MAGI3: variants seen among roughly 807,000 people sequenced by gnomAD.
MAGI3 encodes membrane associated guanylate kinase, WW and PDZ domain containing 3.
In MAGI3, 43 loss-of-function variants were observed where a neutral mutation model predicts 121.8. The observed-to-expected ratio is 0.35, with a 90% CI of 0.28 to 0.46. The LOEUF is 0.46. MAGI3 is among the 20% of genes least tolerant of loss of function. MAGI3 has a pLI of 1.00. For synonymous variants in MAGI3, 553 were observed against 639.3 expected (o/e 0.86, Z 2.04); for missense variants, 1,547 against 1,797.3 (o/e 0.86, Z 2.52).
At chr1:113,438,296 A>C (rs1287180080) in intron 1 of MAGI3, among the ~76,000 whole-genome samples, 1 of 152,144 alleles carries the variant, frequency 6.6e-6, no homozygotes, top group Non-Finnish European at 1.5e-5. Flanking sequence ...GATATGTTCC[A>C]AGACCCCCAT....
intron 1 of MAGI3, among the ~76,000 whole-genome samples, chr1:113,437,805 T>TTTTCTTC (rs1557756791): frequency 2.3e-5 from 3 of 132,402 alleles, no homozygotes; most frequent in East Asian, 4.6e-4. Flanking sequence ...TTCTTTCTTC[T>TTTTCTTC]TTTCTTCTTC....
intron 16 of MAGI3, among the ~76,000 whole-genome samples, chr1:113,668,569 CTT>C (rs370302032): frequency 2.1e-5 from 2 of 94,848 alleles, no homozygotes; most frequent in East Asian, 2.8e-4. Context: ...AAACATGTAA[CTT>C]TTTTTTTTTT....
chr1:113,603,444 A>T (rs1469926899), intron 6 of MAGI3, among the ~76,000 whole-genome samples: 1 of 152,200 alleles, frequency 6.6e-6, no homozygotes. Flanking sequence ...AATTGGTATC[A>T]ATCCTACTGA....
At position 113,452,743 on chromosome 1, in the gene MAGI3, C is replaced by T. The variant is rs191695483; in HGVS notation, c.316+61394C>T. On this transcript the variant is annotated intron_variant, in intron 1 of 20. Transcript: ENST00000307546. Reference sequence around the variant, plus strand: ...TAAATAACCTCTAGGGTGATTTGCCCATTCAGCAAAGTGGCACAGGCCAAA... The same window carrying T: ...TAAATAACCTCTAGGGTGATTTGCCTATTCAGCAAAGTGGCACAGGCCAAA... Among the ~76,000 whole-genome samples the T allele has an allele frequency of 2.3e-3, 348 of 152,204 alleles. 2 individuals are homozygous for T. Among genetic ancestry groups the T allele is most frequent in the African/African-American group, 8.0e-3 (332 of 41,532 alleles).
intron 9 of MAGI3, among the ~76,000 whole-genome samples, chr1:113,633,646 T>G (rs965041400): frequency 3.3e-5 from 5 of 152,132 alleles, no homozygotes; most frequent in African/African-American, 1.2e-4. Flanking sequence ...TGTTGGACAT[T>G]TGGGTTGGTT....
chr1:113,637,977 A>G (rs1265129794), intron 9 of MAGI3, among the ~76,000 whole-genome samples: 1 of 151,726 alleles, frequency 6.6e-6, no homozygotes, highest in Non-Finnish European at 1.5e-5. Context: ...CATTTCATTC[A>G]TTTCATCTTC....
intron 1 of MAGI3, among the ~76,000 whole-genome samples, chr1:113,469,917 T>A (rs1051815086): frequency 2.0e-4 from 31 of 152,312 alleles, no homozygotes; most frequent in African/African-American, 7.2e-4. Context: ...GGTATAAGGT[T>A]CAAAGGAAAA....
intron 2 of MAGI3, among the ~76,000 whole-genome samples, chr1:113,560,987 C>T (rs1660211900): frequency 1.3e-5 from 2 of 152,144 alleles, no homozygotes; most frequent in Non-Finnish European, 2.9e-5. Flanking sequence ...CTATAAACAC[C>T]TCTTTGCAAA....
intron 4 of MAGI3, among the ~76,000 whole-genome samples, chr1:113,586,085 A>G (rs916495539): frequency 5.9e-5 from 9 of 152,230 alleles, no homozygotes; most frequent in African/African-American, 2.2e-4. Context: ...GAGACCCTTC[A>G]TTAAATGTAA....
intron 2 of MAGI3, among the ~76,000 whole-genome samples, chr1:113,557,374 A>C (rs1660038848): frequency 6.6e-6 from 1 of 151,876 alleles, no homozygotes; most frequent in African/African-American, 2.4e-5. Flanking sequence ...TCCAGCCTGC[A>C]GGCTTTGGAG....
chr1:113,407,386 C>T (rs555554379), intron 1 of MAGI3, among the ~76,000 whole-genome samples: 2 of 152,044 alleles, frequency 1.3e-5, no homozygotes, highest in Non-Finnish European at 2.9e-5. Context: ...TCAAGAGAAC[C>T]TCTAGGTTTT....
rs779778262 is a variant in MAGI3, at chr1:113,671,816, C to T, written c.2898C>T (p.Ala966=). 2 of 1,614,074 alleles carry T rather than the reference C, an allele frequency of 1.2e-6. No homozygotes were observed. The highest frequency in any genetic ancestry group is 2.2e-5 in the East Asian group (1 of 44,906). The part of the protein sequence containing the change: ...LQHRPMGQSQ[A]NHIPGDRSAL... ...ACAGGCCCATGGGACAGTCACAGGCCAACCACATACCTGGGGACAGGTGGG... is the reference window on the plus strand; with the variant it reads ...ACAGGCCCATGGGACAGTCACAGGCTAACCACATACCTGGGGACAGGTGGG... The change falls in exon 17 of 21, where the codon GCC becomes GCT. Residue 966 remains alanine, a synonymous_variant. Transcript: ENST00000307546.
At chr1:113,428,458 T>G (rs1653131800) in intron 1 of MAGI3, among the ~76,000 whole-genome samples, 1 of 152,212 alleles carries the variant, frequency 6.6e-6, no homozygotes, top group Non-Finnish European at 1.5e-5. Context: ...TGGAACTCTT[T>G]CTGGACTCAC....
rs763515000 is a variant in MAGI3, at chr1:113,653,955, C to T, written c.2566C>T (p.Arg856Ter). 2.5e-6 allele frequency: 4 copies of T among 1,613,536 alleles called. No homozygotes were observed. The highest frequency in any genetic ancestry group is 3.4e-6 in the Non-Finnish European group (4 of 1,179,858). The stretch of plus-strand genomic sequence containing the variant: ...GGAGCCCTATGATGTTGTCTTGCAA[C>T]GAAAAGAAAATGAAGGATTTGGCTT... ...PQEPYDVVLQ[R>*]KENEGFGFVI... The change falls in exon 15 of 21, where the codon CGA becomes TGA. Residue 856 changes from arginine (R) to a stop codon, truncating the protein, a stop_gained. Transcript: ENST00000307546. LOFTEE classifies it high-confidence loss of function.
chr1:113,549,095 A>G (rs934781968), intron 1 of MAGI3, among the ~76,000 whole-genome samples: 2 of 152,212 alleles, frequency 1.3e-5, no homozygotes, highest in Non-Finnish European at 1.5e-5. Flanking sequence ...TGAGGTGCTT[A>G]TTTGACTTCC....
At chr1:113,593,394 G>A (rs1648810960) in intron 5 of MAGI3, among the ~76,000 whole-genome samples, 1 of 151,978 alleles carries the variant, frequency 6.6e-6, no homozygotes, top group South Asian at 2.1e-4. Context: ...AATTTTTTCA[G>A]TTGTTAGGCA....
rs761184121 is a variant in MAGI3, at chr1:113,580,552, G to A, written c.444G>A (p.Arg148=). The change falls in exon 3 of 21, where the codon AGG becomes AGA. Residue 148 remains arginine (R), a synonymous_variant. Transcript: ENST00000307546. ...LYLRTIPCTT[R]APRDGEVPGV... ...TTTCTTTTTTCTTAGGCACTACAAG[G>A]GCCCCCAGGGATGGAGAAGTACCAG... is the stretch of plus-strand genomic sequence containing the variant. 11 of 1,608,910 alleles carry A rather than the reference G, an allele frequency of 6.8e-6. No homozygotes were observed. The highest frequency in any genetic ancestry group is 5.5e-5 in the South Asian group (5 of 90,278).
intron 1 of MAGI3, among the ~76,000 whole-genome samples, chr1:113,479,223 C>A (rs537264389): frequency 8.1e-4 from 124 of 152,298 alleles, no homozygotes; most frequent in African/African-American, 2.8e-3. Context: ...TGACGTCTCG[C>A]CCTCCTTTGG....
intron 1 of MAGI3, among the ~76,000 whole-genome samples, chr1:113,457,173 AC>A (rs1474997873): frequency 1.3e-5 from 2 of 152,164 alleles, no homozygotes; most frequent in Non-Finnish European, 2.9e-5. Flanking sequence ...AAGGAGCCTG[AC>A]TGGCTCCTAT....
Sources: gnomAD v4.1 joint callset for allele counts (sites outside exome capture counted in the v4.1 genomes callset) on GRCh38, gnomAD v4.1.1 for gene constraint, MANE v1.5 for transcripts, NCBI Gene and HGNC (gene_info 2026-07-23, HGNC 2026-07-21) for gene names.